Variants in CDCP2 observed in about 807,000 individuals in gnomAD.
CDCP2 encodes the protein CUB domain containing protein 2, also known as CUB domain-containing protein 2.
In CDCP2, 31 loss-of-function variants were observed where a neutral mutation model predicts 31.0. That is an observed-to-expected ratio of 1.00 (90% CI 0.75 to 1.35). The LOEUF is 1.35. Ranked by LOEUF, CDCP2 falls within the 40% of genes most tolerant of loss-of-function variation. The pLI is 0.00. For synonymous variants in CDCP2, 206 were observed against 207.9 expected (o/e 0.99, Z 0.08); for missense variants, 443 against 482.6 (o/e 0.92, Z 0.77).
At chr1:54,150,732 C>T (rs1382553103) in intron 1 of CDCP2, among the ~76,000 whole-genome samples, 2 of 152,192 alleles carry the variant, frequency 1.3e-5, no homozygotes, top group African/African-American at 4.8e-5. Flanking sequence ...GAGCCCAGCT[C>T]GGCTACCTCC....
intron 4 of CDCP2, chr1:54,139,227 G>A (rs1430083733): frequency 5.6e-6 from 2 of 357,236 alleles, no homozygotes; most frequent in African/African-American, 4.3e-5. Flanking sequence ...GGCTCAGAGA[G>A]TCCCAGAGAT....
At chr1:54,152,883 C>G (rs369549846) in exon 1 of CDCP2, 1 of 1,614,112 alleles carries the variant, frequency 6.2e-7, no homozygotes, top group Admixed American at 1.7e-5. Flanking sequence ...CCCAGCAGTG[C>G]CACTGCCAGC....
Position 54,140,122 on chromosome 1 carries a change from G to A in CDCP2, c.764-16C>T, listed in dbSNP as rs769038777. ...TGGCATTCTCCTGGATGGGGGATGGGGAGGTGGAAGGAGCAACAGTGAGGG... is the reference window on the plus strand; with the variant it reads ...TGGCATTCTCCTGGATGGGGGATGGAGAGGTGGAAGGAGCAACAGTGAGGG... On this transcript the variant is annotated splice_polypyrimidine_tract_variant and intron_variant, in intron 3 of 5. Transcript: ENST00000530059. 2 of 1,608,220 alleles carry A rather than the reference G, an allele frequency of 1.2e-6. No individual in the cohort carries two copies. Among genetic ancestry groups the A allele is most frequent in the South Asian group, 2.2e-5 (2 of 90,954 alleles).
At chr1:54,145,216 A>G (rs2100428767) in intron 1 of CDCP2, among the ~76,000 whole-genome samples, 1 of 152,298 alleles carries the variant, frequency 6.6e-6, no homozygotes, top group Admixed American at 6.5e-5. Flanking sequence ...TCACAAGGTC[A>G]GGAGTTCGAG....
chr1:54,132,955 C>G (rs1191759901), downstream of CDCP2: 3 of 398,718 alleles, frequency 7.5e-6, no homozygotes, highest in Admixed American at 4.4e-5. Context: ...TGCCAGGTCC[C>G]TATGCTGTCT....
Position 54,147,634 on chromosome 1 carries a change from T to C in CDCP2, c.80-2821A>G, listed in dbSNP as rs1032835938. Among the ~76,000 whole-genome samples, 19 of 151,804 alleles carry C rather than the reference T, an allele frequency of 1.3e-4. 1 individual carries two copies. The highest frequency in any genetic ancestry group is 4.6e-4 in the African/African-American group (19 of 41,100). On this transcript the variant is annotated intron_variant, in intron 1 of 5. Transcript: ENST00000530059. ...TACCCTCCTGGGCATCTCAAATTGCTGGGATTACAGGCGTGAGCCACCGTG... is the reference window on the plus strand; with the variant it reads ...TACCCTCCTGGGCATCTCAAATTGCCGGGATTACAGGCGTGAGCCACCGTG...
At chr1:54,139,754 T>C in exon 4 of CDCP2, 1 of 1,614,112 alleles carries the variant, frequency 6.2e-7, no homozygotes, top group Admixed American at 1.7e-5. Context: ...CCAGCTGACC[T>C]CCGATGTAGG....
chr1:54,140,780 C>T (rs1335664783), intron 3 of CDCP2: 1 of 264,500 alleles, frequency 3.8e-6, no homozygotes, highest in Non-Finnish European at 7.2e-6. Context: ...CAAAGATAAG[C>T]CCATAAGGGA....
intron 4 of CDCP2, chr1:54,139,515 C>A (rs144802093): frequency 1.9e-5 from 31 of 1,610,172 alleles, no homozygotes; most frequent in Non-Finnish European, 2.6e-5. Flanking sequence ...TGAGGACTCA[C>A]GAAGTTAGAA....
At chr1:54,133,240 C>T (rs576734704) in exon 6 of CDCP2, 5 of 399,030 alleles carry the variant, frequency 1.3e-5, no homozygotes, top group East Asian at 1.1e-4. Flanking sequence ...TCCCGCCCCG[C>T]GGCTGAGAAG....
chr1:54,133,317 T>A (rs1344202383), intron 5 of CDCP2, 23 bp from the exon 6 acceptor site: 1 of 398,910 alleles, frequency 2.5e-6, no homozygotes, highest in Admixed American at 4.4e-5. Flanking sequence ...AGGGTACTCA[T>A]CACACCTGAA....
intron 2 of CDCP2, 51 bp downstream of exon 2, chr1:54,144,415 A>G: frequency 6.8e-7 from 1 of 1,471,152 alleles, no homozygotes; most frequent in Admixed American, 2.2e-5. Context: ...CCAAAGCACC[A>G]GGATTACAGG....
intron 2 of CDCP2, chr1:54,143,416 CT>C (rs1345411364): frequency 1.9e-5 from 1 of 52,870 alleles, no homozygotes; most frequent in Non-Finnish European, 3.7e-5. Context: ...TTTTTATTGC[CT>C]TTATCTTTTT....
chr1:54,146,860 G>C (rs1308414664), intron 1 of CDCP2, among the ~76,000 whole-genome samples: 2 of 151,688 alleles, frequency 1.3e-5, no homozygotes, highest in African/African-American at 4.9e-5. Context: ...CGGATCGTTT[G>C]AGCTCACCAG....
intron 1 of CDCP2, among the ~76,000 whole-genome samples, chr1:54,147,857 T>G (rs1433257337): frequency 1.3e-5 from 2 of 150,570 alleles, no homozygotes; most frequent in Non-Finnish European, 3.0e-5. Flanking sequence ...AAAAAAAATT[T>G]AAAAATTAGC....
chr1:54,140,245 C>T, intron 3 of CDCP2, 139 bp from the exon 4 acceptor site: 1 of 694,266 alleles, frequency 1.4e-6, no homozygotes, highest in South Asian at 1.8e-5. Context: ...GCTAGCACAC[C>T]AGACAATTGA....
chr1:54,147,213 A>G (rs1162003303), intron 1 of CDCP2, among the ~76,000 whole-genome samples: 1 of 151,816 alleles, frequency 6.6e-6, no homozygotes, highest in Non-Finnish European at 1.5e-5. Flanking sequence ...ATATATAAAA[A>G]CAAGAATTCA....
At chr1:54,145,412 C>G (rs899744708) in intron 1 of CDCP2, among the ~76,000 whole-genome samples, 7 of 151,606 alleles carry the variant, frequency 4.6e-5, no homozygotes, top group African/African-American at 1.5e-4. Flanking sequence ...GGCAACAGAG[C>G]GAGACTCTGT....
At chr1:54,148,770 C>T (rs1304584691) in intron 1 of CDCP2, among the ~76,000 whole-genome samples, 2 of 151,418 alleles carry the variant, frequency 1.3e-5, no homozygotes, top group Non-Finnish European at 2.9e-5. Flanking sequence ...ATGGCTCACA[C>T]CTGTAATCCC....
Sources: gnomAD v4.1 joint callset for allele counts (sites outside exome capture counted in the v4.1 genomes callset) on GRCh38, gnomAD v4.1.1 for gene constraint, MANE v1.5 for transcripts, NCBI Gene and HGNC (gene_info 2026-07-23, HGNC 2026-07-21) for gene names.